The following ALDH1A2 variants were observed in gnomAD, a reference collection of about 807,000 sequenced individuals.
ALDH1A2 encodes the protein aldehyde dehydrogenase 1 family member A2, also known as retinal dehydrogenase 2.
In ALDH1A2, 27 loss-of-function variants were observed where a neutral mutation model predicts 60.3. The observed-to-expected ratio is 0.45, with a 90% CI of 0.33 to 0.62. ALDH1A2 has a LOEUF of 0.62. ALDH1A2 is among the 20% of genes least tolerant of loss of function. The pLI is 0.02. For synonymous variants in ALDH1A2, 289 were observed against 232.4 expected, an observed-to-expected ratio of 1.24 and a Z score of -2.21; for missense variants, 581 against 643.8, an observed-to-expected ratio of 0.90 and a Z score of 1.06.
chr15:58,032,747 A>C (rs1896274488), intron 1 of ALDH1A2, among the ~76,000 whole-genome samples: 1 of 151,964 alleles, frequency 6.6e-6, no homozygotes, highest in South Asian at 2.1e-4. Context: ...TTGTAGCACT[A>C]TTCACAATAG....
chr15:58,023,658 GA>G (rs57467358), intron 1 of ALDH1A2, among the ~76,000 whole-genome samples: 336 of 129,312 alleles, frequency 2.6e-3, no homozygotes, highest in African/African-American at 7.5e-3. Flanking sequence ...AAAGTGCTGG[GA>G]AAAAAAAAAA....
intron 1 of ALDH1A2, among the ~76,000 whole-genome samples, chr15:58,059,659 T>C (rs1325579687): frequency 6.6e-6 from 1 of 152,190 alleles, no homozygotes; most frequent in East Asian, 1.9e-4. Context: ...ATATTCATGC[T>C]ATATTTTGGC....
chr15:58,025,786 G>A (rs1386083271), intron 1 of ALDH1A2, among the ~76,000 whole-genome samples: 4 of 152,216 alleles, frequency 2.6e-5, no homozygotes, highest in African/African-American at 4.8e-5. Flanking sequence ...TTACAATCAC[G>A]GCAGAATGTG....
At chr15:58,050,558 G>A (rs986976305) in intron 1 of ALDH1A2, among the ~76,000 whole-genome samples, 7 of 152,114 alleles carry the variant, frequency 4.6e-5, no homozygotes, top group African/African-American at 1.7e-4. Context: ...TGTTGTATGT[G>A]TTCCAAGAAT....
chr15:58,043,545 C>T (rs1896568744), intron 1 of ALDH1A2, among the ~76,000 whole-genome samples: 1 of 152,006 alleles, frequency 6.6e-6, no homozygotes, highest in Non-Finnish European at 1.5e-5. Context: ...AGAGTATGCC[C>T]TCTGTGTTCT....
intron 1 of ALDH1A2, among the ~76,000 whole-genome samples, chr15:58,024,134 A>G (rs1254085476): frequency 2.0e-5 from 3 of 151,218 alleles, no homozygotes; most frequent in African/African-American, 7.3e-5. Context: ...ATATGGAAGT[A>G]TAAAACTCAT....
In ALDH1A2 at chr15:57,984,968, T is replaced by G. The variant is rs141936927; in HGVS notation, c.798+7737A>C. Among the ~76,000 whole-genome samples, 452 of 152,344 alleles carry G rather than the reference T, an allele frequency of 3.0e-3. 1 individual carries two copies. The highest frequency in any genetic ancestry group is 0.01 in the African/African-American group (433 of 41,578). On this transcript the variant is annotated intron_variant, in intron 7 of 12. Transcript: ENST00000249750. ...ACCAATCTTGCATTCCTGGGATAAA[T>G]CCCACTTGGTCATGGTATATAATCA...
chr15:58,050,200 A>G (rs1382636756), intron 1 of ALDH1A2, among the ~76,000 whole-genome samples: 2 of 152,026 alleles, frequency 1.3e-5, no homozygotes, highest in Admixed American at 6.6e-5. Context: ...TAGGGTTAAA[A>G]AAAAAAAGTC....
chr15:57,986,798 G>A (rs1183967511), intron 7 of ALDH1A2, among the ~76,000 whole-genome samples: 3 of 152,028 alleles, frequency 2.0e-5, no homozygotes, highest in African/African-American at 7.2e-5. Flanking sequence ...TCAACCTCCT[G>A]AGTAGCTGAG....
chr15:58,019,412 T>C (rs1895865930), intron 1 of ALDH1A2, among the ~76,000 whole-genome samples: 2 of 152,244 alleles, frequency 1.3e-5, no homozygotes, highest in African/African-American at 4.8e-5. Context: ...TGTAGTTTAC[T>C]GAATTTCAGA....
intron 7 of ALDH1A2, among the ~76,000 whole-genome samples, chr15:57,967,662 C>G (rs1179325945): frequency 6.6e-6 from 1 of 152,166 alleles, no homozygotes; most frequent in African/African-American, 2.4e-5. Context: ...AAAGTGATGT[C>G]TCTCAAAGAT....
chr15:58,009,706 C>A (rs1037880486), intron 4 of ALDH1A2, among the ~76,000 whole-genome samples: 1 of 151,866 alleles, frequency 6.6e-6, no homozygotes, highest in Non-Finnish European at 1.5e-5. Context: ...ATTTTGAATT[C>A]TCTAATGAAG....
At chr15:57,955,921 G>A (rs757422400) in intron 12 of ALDH1A2, among the ~76,000 whole-genome samples, 9 of 151,812 alleles carry the variant, frequency 5.9e-5, no homozygotes, top group Non-Finnish European at 1.3e-4. Flanking sequence ...ATAAAATCAC[G>A]CATGTTCTCC....
At chr15:57,975,398 A>G (rs181575080) in intron 7 of ALDH1A2, among the ~76,000 whole-genome samples, 1 of 152,362 alleles carries the variant, frequency 6.6e-6, no homozygotes. Context: ...CAGGTTGAAC[A>G]TCCCTTATCA....
intron 1 of ALDH1A2, among the ~76,000 whole-genome samples, chr15:58,056,212 C>A (rs1347180418): frequency 6.6e-6 from 1 of 152,090 alleles, no homozygotes; most frequent in Non-Finnish European, 1.5e-5. Context: ...TGGAACACAG[C>A]ACTGTTCTTA....
chr15:57,974,633 C>T (rs932032814), intron 7 of ALDH1A2, among the ~76,000 whole-genome samples: 1 of 151,860 alleles, frequency 6.6e-6, no homozygotes, highest in East Asian at 1.9e-4. Context: ...TGAAGTAGAT[C>T]ATAGGCCTAA....
intron 10 of ALDH1A2, among the ~76,000 whole-genome samples, chr15:57,961,753 A>C (rs913330387): frequency 6.6e-6 from 1 of 152,154 alleles, no homozygotes; most frequent in African/African-American, 2.4e-5. Context: ...GTTGAGGCCA[A>C]TGGCAGGCTA....
chr15:58,028,419 A>G (rs983445434), intron 1 of ALDH1A2, among the ~76,000 whole-genome samples: 1 of 152,226 alleles, frequency 6.6e-6, no homozygotes, highest in Non-Finnish European at 1.5e-5. Flanking sequence ...ATGGAAAGGA[A>G]CAACTGGTAC....
At chr15:57,999,444 A>G (rs1414177403) in intron 4 of ALDH1A2, among the ~76,000 whole-genome samples, 1 of 152,134 alleles carries the variant, frequency 6.6e-6, no homozygotes, top group East Asian at 1.9e-4. Context: ...AAAAAAGCTC[A>G]TCATCAATGA....
Sources: gnomAD v4.1 joint callset for allele counts (sites outside exome capture counted in the v4.1 genomes callset) on GRCh38, gnomAD v4.1.1 for gene constraint, MANE v1.5 for transcripts, NCBI Gene and HGNC (gene_info 2026-07-23, HGNC 2026-07-21) for gene names.